Variants in DENND2B observed in about 807,000 individuals in gnomAD.
The protein encoded by DENND2B is DENN domain containing 2B.
A neutral mutation model predicts 116.0 loss-of-function variants in DENND2B; 32 were observed. The observed-to-expected ratio is 0.28, with a 90% CI of 0.21 to 0.37. The LOEUF (loss-of-function observed/expected upper bound fraction) is 0.37. Ranked by LOEUF, DENND2B falls within the 10% of genes least tolerant of loss-of-function variation. DENND2B has a pLI of 1.00. For missense variants in DENND2B, 1,276 were observed against 1,477.7 expected, an observed-to-expected ratio of 0.86 and a Z score of 2.24; for synonymous variants, 588 against 583.9, an observed-to-expected ratio of 1.01 and a Z score of -0.10.
At chr11:8,890,758 C>T (rs559261069) in intron 1 of DENND2B, among the ~76,000 whole-genome samples, 2 of 152,296 alleles carry the variant, frequency 1.3e-5, no homozygotes, top group African/African-American at 4.8e-5. Flanking sequence ...ACCAAATCTA[C>T]ATCTGAGTGG....
intron 3 of DENND2B, among the ~76,000 whole-genome samples, chr11:8,844,558 A>C (rs2062739043): frequency 1.2e-5 from 1 of 86,598 alleles, no homozygotes; most frequent in Non-Finnish European, 2.5e-5. Context: ...CTTTTTGTTA[A>C]CTCTTACTTC....
At chr11:8,708,135 G>A in intron 11 of DENND2B, 1 of 1,356,156 alleles carries the variant, frequency 7.4e-7, no homozygotes, top group Non-Finnish European at 9.5e-7. Flanking sequence ...GCTGACGGGG[G>A]CTGGCAAAGG....
At chr11:8,727,397 T>C (rs2047255880) in intron 3 of DENND2B, among the ~76,000 whole-genome samples, 1 of 152,198 alleles carries the variant, frequency 6.6e-6, no homozygotes, top group South Asian at 2.1e-4. Context: ...ACTCTTTATA[T>C]TGACATCTCC....
chr11:8,897,692 A>G (rs757347023), intron 1 of DENND2B, among the ~76,000 whole-genome samples: 2 of 152,194 alleles, frequency 1.3e-5, no homozygotes, highest in Non-Finnish European at 2.9e-5. Context: ...CATGCCCAGG[A>G]GAGACCACAG....
chr11:8,787,017 A>G (rs2058974191), intron 1 of DENND2B: 1 of 152,176 alleles, frequency 6.6e-6, no homozygotes, highest in South Asian at 2.1e-4. Flanking sequence ...ACACAATCCT[A>G]TGAGGTAAAT....
chr11:8,814,285 T>A (rs951815990), upstream of DENND2B, among the ~76,000 whole-genome samples: 1 of 149,124 alleles, frequency 6.7e-6, no homozygotes, highest in African/African-American at 2.5e-5. Context: ...TTTTTTTTTT[T>A]AACACCAGAT....
intron 2 of DENND2B, among the ~76,000 whole-genome samples, chr11:8,859,309 T>G (rs1287118727): frequency 6.6e-6 from 1 of 152,080 alleles, no homozygotes; most frequent in East Asian, 1.9e-4. Flanking sequence ...TTTGTTTGTT[T>G]GTTTGTTTGT....
chr11:8,736,542 G>C (rs1433491508), intron 2 of DENND2B, among the ~76,000 whole-genome samples: 1 of 152,188 alleles, frequency 6.6e-6, no homozygotes, highest in Non-Finnish European at 1.5e-5. Context: ...AAAGGGATCA[G>C]AGATGAGCAG....
At chr11:8,886,138 T>TG (rs1324988132) in intron 1 of DENND2B, among the ~76,000 whole-genome samples, 1 of 152,148 alleles carries the variant, frequency 6.6e-6, no homozygotes, top group East Asian at 1.9e-4. Flanking sequence ...TCTCACCATG[T>TG]TGTCCAGGCT....
rs2045154599 is a variant in DENND2B at position 8,717,607 on chromosome 11, T to C, written c.1629+134A>G. The C allele has an allele frequency of 7.5e-6, 8 of 1,072,448 alleles. No individual in the cohort carries two copies. The South Asian group carries it at 1.9e-4, about 25-fold the overall frequency. The allele number at this position is 1,072,448 out of a possible 1,614,324, so 66.4% of individuals were successfully genotyped here. On this transcript the variant is annotated intron_variant, in intron 5 of 19. Coordinates refer to ENST00000313726, the MANE Select transcript of DENND2B (RefSeq NM_213618.2). ...ACGAGATCGGGCACGTTCAGGGTGG[T>C]ATGGCCGTAGACCCTTTATCAAGTA... is the stretch of plus-strand genomic sequence containing the variant.
Position 8,821,109 on chromosome 11 carries a change from G to A in DENND2B, c.-114-9774C>T, listed in dbSNP as rs1294225864. 3.7e-4 allele frequency among the ~76,000 whole-genome samples: 52 copies of A among 139,824 alleles called. 1 individual carries two copies. The highest frequency in any genetic ancestry group is 1.1e-3 in the African/African-American group (42 of 36,940). The allele number at this position is 139,824 out of a possible 152,430, so 91.7% of individuals were successfully genotyped here. On this transcript the variant is annotated intron_variant, in intron 4 of 6. Transcript: ENST00000524757. ...CATTCCAGCCTGGGCAACAGAGCGA[G>A]ACTCTGCCTCAAAAAAAAAAAAAAA...
chr11:8,746,329 AAT>A (rs1258153101), intron 2 of DENND2B, among the ~76,000 whole-genome samples: 1 of 152,232 alleles, frequency 6.6e-6, no homozygotes, highest in Non-Finnish European at 1.5e-5. Context: ...AAAACCTGCA[AAT>A]ATGAGTTGAA....
intron 2 of DENND2B, among the ~76,000 whole-genome samples, chr11:8,736,797 G>T (rs117602024): frequency 6.6e-6 from 1 of 152,128 alleles, no homozygotes; most frequent in Non-Finnish European, 1.5e-5. Context: ...AGAGACACCA[G>T]AAGCCACATT....
chr11:8,735,832 A>G (rs905879527), intron 2 of DENND2B, among the ~76,000 whole-genome samples: 1 of 152,330 alleles, frequency 6.6e-6, no homozygotes, highest in East Asian at 1.9e-4. Context: ...GGATGTCTAG[A>G]TCCTCGTGAC....
chr11:8,775,502 G>A (rs1226015816), intron 1 of DENND2B, among the ~76,000 whole-genome samples: 3 of 152,064 alleles, frequency 2.0e-5, no homozygotes, highest in Non-Finnish European at 4.4e-5. Flanking sequence ...CATTCTAGTG[G>A]CTAATTCCTC....
chr11:8,714,914 A>C (rs1323637048), intron 6 of DENND2B, among the ~76,000 whole-genome samples: 1 of 152,186 alleles, frequency 6.6e-6, no homozygotes, highest in Admixed American at 6.5e-5. Flanking sequence ...CTAGTCCCCC[A>C]GGAGTGGTCT....
At chr11:8,757,723 C>G (rs1018586075) in intron 1 of DENND2B, among the ~76,000 whole-genome samples, 3 of 152,146 alleles carry the variant, frequency 2.0e-5, no homozygotes, top group Non-Finnish European at 4.4e-5. Context: ...TTACACTTTA[C>G]CAAGGAAACC....
chr11:8,752,541 A>G, intron 1 of DENND2B, among the ~76,000 whole-genome samples: 1 of 152,170 alleles, frequency 6.6e-6, no homozygotes, highest in Non-Finnish European at 1.5e-5. Context: ...TGTTCAGGGA[A>G]AACCATTACG....
intron 2 of DENND2B, among the ~76,000 whole-genome samples, chr11:8,742,265 C>G (rs1444672707): frequency 2.6e-5 from 4 of 152,162 alleles, no homozygotes; most frequent in Admixed American, 2.6e-4. Flanking sequence ...CTGCAGTGCT[C>G]TGTCTGAATT....
Sources: gnomAD v4.1 joint callset for allele counts (sites outside exome capture counted in the v4.1 genomes callset) on GRCh38, gnomAD v4.1.1 for gene constraint, MANE v1.5 for transcripts, NCBI Gene and HGNC (gene_info 2026-07-23, HGNC 2026-07-21) for gene names.